SRC: variants seen among roughly 807,000 people sequenced by gnomAD.
SRC encodes the protein proto-oncogene tyrosine-protein kinase Src.
SRC carries 13 observed loss-of-function variants against 62.9 expected under a neutral mutation model. That is an observed-to-expected ratio of 0.21 (90% CI 0.13 to 0.33). The LOEUF (loss-of-function observed/expected upper bound fraction) is 0.33. SRC is among the 10% of genes least tolerant of loss of function. SRC has a pLI of 1.00. For synonymous variants in SRC, 302 were observed against 317.5 expected, an observed-to-expected ratio of 0.95 and a Z score of 0.52; for missense variants, 457 against 737.3, an observed-to-expected ratio of 0.62 and a Z score of 4.40.
chr20:37,356,118 C>A (rs1452896525), intron 1 of SRC, among the ~76,000 whole-genome samples: 1 of 152,164 alleles, frequency 6.6e-6, no homozygotes, highest in Non-Finnish European at 1.5e-5. Flanking sequence ...AGGGGCTGAC[C>A]TGGGGCCTTG....
At chr20:37,381,212 G>A (rs1029031012) in intron 2 of SRC, among the ~76,000 whole-genome samples, 2 of 152,026 alleles carry the variant, frequency 1.3e-5, no homozygotes, top group East Asian at 1.9e-4. Context: ...CCTTAGCTTC[G>A]TCTTAAAGGT....
At chr20:37,395,265 G>C (rs2070624874) in intron 7 of SRC, among the ~76,000 whole-genome samples, 1 of 152,200 alleles carries the variant, frequency 6.6e-6, no homozygotes, top group South Asian at 2.1e-4. Flanking sequence ...CTGTACGCTG[G>C]GATTGTAATC....
In SRC at chr20:37,373,387, A is replaced by G. The variant is rs192106401; in HGVS notation, c.-173+8110A>G. Among the ~76,000 whole-genome samples, 82 of 146,010 alleles carry G rather than the reference A, an allele frequency of 5.6e-4. No homozygotes were observed. In the South Asian group the frequency reaches 0.016, roughly 28 times the overall value. ...ACATACACATATATGTACATTATAC[A>G]CATATATGCGTATATATACGCATAT... On this transcript the variant is annotated intron_variant, in intron 2 of 13. Coordinates refer to ENST00000373578, the MANE Select transcript of SRC (RefSeq NM_198291.3).
chr20:37,367,209 A>G (rs2070077163), intron 2 of SRC, among the ~76,000 whole-genome samples: 2 of 148,974 alleles, frequency 1.3e-5, no homozygotes, highest in South Asian at 4.3e-4. Flanking sequence ...AGCAGCTGGG[A>G]CCAAAAGTGT....
chr20:37,359,311 A>C (rs1378199172), intron 1 of SRC, among the ~76,000 whole-genome samples: 1 of 152,280 alleles, frequency 6.6e-6, no homozygotes, highest in African/African-American at 2.4e-5. Context: ...AACCAACCAA[A>C]GATCCCTGCT....
intron 5 of SRC, among the ~76,000 whole-genome samples, chr20:37,391,215 T>C (rs2070542051): frequency 6.6e-6 from 1 of 152,202 alleles, no homozygotes; most frequent in Non-Finnish European, 1.5e-5. Context: ...TCTTAGACCT[T>C]GGCCCCTTCC....
chr20:37,401,588 C>A lies in SRC; in HGVS notation c.1040-14C>A. On this transcript the variant is annotated splice_polypyrimidine_tract_variant and intron_variant, in intron 10 of 13. Transcript: ENST00000373578. ...GACAGGGCAGGAGCTGGAGCTGGGT[C>A]TCTCTCTGCCCAGGGAGTTTGCTGG... 3 of 1,605,360 alleles carry A rather than the reference C, an allele frequency of 1.9e-6. No homozygotes were observed. Among genetic ancestry groups the A allele is most frequent in the Non-Finnish European group, 2.6e-6 (3 of 1,174,814 alleles).
chr20:37,396,150 G>T lies in SRC; in HGVS notation c.554-12G>T. The T allele has an allele frequency of 6.2e-7, 1 of 1,609,764 alleles. No homozygotes were observed. The highest frequency in any genetic ancestry group is 1.1e-5 in the South Asian group (1 of 91,010). ...GGGCATGGCGGTCACGGCTCCCCTC[G>T]GTGCCCCGCAGGTGCCTACTGCCTC... On this transcript the variant is annotated splice_polypyrimidine_tract_variant and intron_variant, in intron 7 of 13. Transcript: ENST00000373578. This position sits in a 1 kb window ranked among gnomAD's most constrained non-coding sequence, Gnocchi z 6.1.
At position 37,384,533 on chromosome 20, in the gene SRC, C is replaced by T; in HGVS notation, c.250+130C>T. ...CGCCAGGGGTAGCGCCCCTGGGTGA[C>T]TTGGGTGTCCGGGGGGTGGGGGGGC... On this transcript the variant is annotated intron_variant, in intron 4 of 13. Transcript: ENST00000373578. This position sits in a 1 kb window ranked among gnomAD's most constrained non-coding sequence, Gnocchi z 6.7. 44 of 490,100 alleles carry T rather than the reference C, an allele frequency of 9.0e-5. No individual in the cohort carries two copies. The highest frequency in any genetic ancestry group is 3.8e-4 in the South Asian group (5 of 13,274). The allele number at this position is 490,100 out of a possible 1,614,324, so 30.4% of individuals were successfully genotyped here. A position where few individuals can be genotyped will look rare whatever the true frequency, so the allele number is the denominator to read the frequency against.
intron 4 of SRC, among the ~76,000 whole-genome samples, chr20:37,385,440 A>G (rs1344274689): frequency 6.6e-6 from 1 of 151,350 alleles, no homozygotes; most frequent in East Asian, 2.0e-4. Context: ...GGGGGAAGGA[A>G]GCAAAGGGCA....
chr20:37,376,959 C>T (rs1488640468), intron 2 of SRC, among the ~76,000 whole-genome samples: 3 of 152,242 alleles, frequency 2.0e-5, no homozygotes, highest in African/African-American at 7.2e-5. Context: ...GGTTCTGACA[C>T]TGCTCTCCTG....
At chr20:37,395,339 C>T (rs2070626798) in intron 7 of SRC, among the ~76,000 whole-genome samples, 1 of 152,246 alleles carries the variant, frequency 6.6e-6, no homozygotes, top group South Asian at 2.1e-4. Flanking sequence ...CATGCCCATG[C>T]ACTGCCTGGC....
At position 37,394,252 on chromosome 20, in the gene SRC, C is replaced by A. The variant is rs140204627; in HGVS notation, c.528C>A (p.Leu176=). The A allele has an allele frequency of 6.2e-7, 1 of 1,614,034 alleles. No individual in the cohort carries two copies. The part of the protein sequence containing the change: ...LNAENPRGTF[L]VRESETTKGA... ...CAGAGAACCCGAGAGGGACCTTCCT[C>A]GTGCGAGAAAGTGAGACCACGAAAG... The change falls in exon 7 of 14, where the codon CTC becomes CTA. Residue 176 remains leucine, a synonymous_variant. Transcript: ENST00000373578.
chr20:37,360,435 C>T (rs1290342341), intron 1 of SRC, among the ~76,000 whole-genome samples: 1 of 151,976 alleles, frequency 6.6e-6, no homozygotes, highest in Non-Finnish European at 1.5e-5. Flanking sequence ...CTCTATGTTA[C>T]CAAGACTGGT....
Position 37,400,314 on chromosome 20 carries a change from GGC to G in SRC, c.1039+21_1039+22del, listed in dbSNP as rs2070718788. On this transcript the variant is annotated intron_variant, in intron 10 of 13. Coordinates refer to ENST00000373578, the MANE Select transcript of SRC (RefSeq NM_198291.3). Reference sequence around the variant, plus strand: ...GCAAGGGTGAGTCCTGGGCGGCCGGGGCAGGGGGCAGGGGCACTCCGGACAGG... The same window carrying G: ...GCAAGGGTGAGTCCTGGGCGGCCGGGAGGGGGCAGGGGCACTCCGGACAGG... 1 of 1,589,262 alleles carries G rather than the reference GGC, an allele frequency of 6.3e-7. No homozygotes were observed. Among genetic ancestry groups the G allele is most frequent in the Non-Finnish European group, 8.6e-7 (1 of 1,164,504 alleles).
intron 5 of SRC, among the ~76,000 whole-genome samples, chr20:37,388,452 G>A (rs752077981): frequency 2.6e-5 from 4 of 152,198 alleles, no homozygotes; most frequent in Non-Finnish European, 5.9e-5. Flanking sequence ...TCGCTTAGAC[G>A]TCAGAGATGG....
chr20:37,368,342 C>A (rs984021364), intron 2 of SRC, among the ~76,000 whole-genome samples: 1 of 151,762 alleles, frequency 6.6e-6, no homozygotes, highest in Non-Finnish European at 1.5e-5. Flanking sequence ...CACTTGAATT[C>A]GGGAGGCGGA....
In SRC at chr20:37,384,473, C is replaced by A. The variant is rs1410285409; in HGVS notation, c.250+70C>A. 7.8e-6 allele frequency: 10 copies of A among 1,279,030 alleles called. No homozygotes were observed. The East Asian group carries it at 2.3e-4, about 30-fold the overall frequency. 79.2% of individuals were successfully genotyped at this position (1,279,030 alleles called of 1,614,324 possible). ...GGCGGGGAGGCGGCGGGGCTGTGTG[C>A]CCGGGGTCGCCCCCTCTGCGCAGGC... On this transcript the variant is annotated intron_variant, in intron 4 of 13. Transcript: ENST00000373578. This position sits in a 1 kb window ranked among gnomAD's most constrained non-coding sequence, Gnocchi z 6.7.
intron 1 of SRC, among the ~76,000 whole-genome samples, chr20:37,359,403 G>A (rs1420368102): frequency 1.6e-4 from 24 of 152,242 alleles, no homozygotes. Context: ...TAAGAAGGCG[G>A]TAAGGGCCAC....
Sources: gnomAD v4.1 joint callset for allele counts (sites outside exome capture counted in the v4.1 genomes callset) on GRCh38, gnomAD v4.1.1 for gene constraint, Gnocchi (gnomAD v3.1) non-coding constraint, MANE v1.5 for transcripts, NCBI Gene and HGNC (gene_info 2026-07-23, HGNC 2026-07-21) for gene names.